Variants in ASH1L observed in about 807,000 individuals in gnomAD.
ASH1L encodes histone-lysine N-methyltransferase ASH1L.
ASH1L carries 23 observed loss-of-function variants against 269.0 expected under a neutral mutation model. That is an observed-to-expected ratio of 0.09 (90% confidence interval 0.06 to 0.12). The LOEUF (loss-of-function observed/expected upper bound fraction) is 0.12. Ranked by LOEUF, ASH1L falls within the 10% of genes least tolerant of loss-of-function variation. The pLI is 1.00. For synonymous variants in ASH1L, 1,187 were observed against 1,253.5 expected, an observed-to-expected ratio of 0.95 and a Z score of 1.12; for missense variants, 2,912 against 3,567.8, an observed-to-expected ratio of 0.82 and a Z score of 4.68.
At position 155,446,901 on chromosome 1, in the gene ASH1L, C is replaced by A. The variant is rs536004829; in HGVS notation, c.5087-7833G>T. Reference sequence around the variant, plus strand: ...TACAGGCGTGAGCCACCGCGCCCGGCGCTACATTTCAGTTTCTAATTGTTC... The same window carrying A: ...TACAGGCGTGAGCCACCGCGCCCGGAGCTACATTTCAGTTTCTAATTGTTC... On this transcript the variant is annotated intron_variant, in intron 4 of 27. Transcript: ENST00000392403. Among the ~76,000 whole-genome samples, 6 of 152,164 alleles carry A rather than the reference C, an allele frequency of 3.9e-5. No homozygotes were observed. The East Asian group carries it at 7.7e-4, about 20-fold the overall frequency.
Position 155,478,945 on chromosome 1 carries a change from G to A in ASH1L, c.3925C>T (p.His1309Tyr). The change falls in exon 3 of 28, where the codon CAT becomes TAT. Residue 1309 changes from histidine to tyrosine, a missense_variant. Coordinates refer to ENST00000392403, the MANE Select transcript of ASH1L (RefSeq NM_018489.3). The surrounding 1 kb of genome is among the most constrained non-coding windows in gnomAD (Gnocchi z 4.6). ...GGCAGAAGATCTCGGGGGATAAAAT[G>A]ATGACTTCGATGAGTGATCCGAATT... ...SEIRITHRSHHFIPRDLLPTI... is the reference protein window; with the variant it reads ...SEIRITHRSHYFIPRDLLPTI... The A allele has an allele frequency of 1.2e-6, 2 of 1,613,800 alleles. No homozygotes were observed. The highest frequency in any genetic ancestry group is 2.2e-5 in the South Asian group (2 of 91,054).
At chr1:155,378,168 T>C in intron 10 of ASH1L, 113 bp downstream of exon 10, 1 of 743,016 alleles carries the variant, frequency 1.3e-6, no homozygotes, top group Non-Finnish European at 2.3e-6. Context: ...TTATATATCT[T>C]TGTGCAACTT....
At chr1:155,364,803 A>G (rs563858702) in intron 12 of ASH1L, among the ~76,000 whole-genome samples, 2 of 151,268 alleles carry the variant, frequency 1.3e-5, no homozygotes, top group South Asian at 4.2e-4. Flanking sequence ...TTAACCAGGC[A>G]TGGTGGTGTG....
intron 5 of ASH1L, among the ~76,000 whole-genome samples, chr1:155,419,965 G>A (rs542689845): frequency 2.0e-5 from 3 of 152,242 alleles, no homozygotes; most frequent in Non-Finnish European, 4.4e-5. Context: ...AAATTCAACT[G>A]TATTTGTATG....
rs567049508 is a variant in ASH1L, at chr1:155,415,112, G to A, written c.6008+632C>T. On this transcript the variant is annotated intron_variant, in intron 6 of 27. Transcript: ENST00000392403. ...GAAAAGCATCATTAGGGCCAGGCAC[G>A]GTGGTTCACGCCTGTAATCCCAGCA... is the stretch of plus-strand genomic sequence containing the variant. Among the ~76,000 whole-genome samples the A allele has an allele frequency of 9.3e-4, 142 of 152,068 alleles. 1 individual carries two copies. The highest frequency in any genetic ancestry group is 3.3e-3 in the African/African-American group (136 of 41,504).
intron 1 of ASH1L, among the ~76,000 whole-genome samples, chr1:155,548,454 T>C (rs187112356): frequency 1.1e-4 from 16 of 151,946 alleles, no homozygotes; most frequent in Middle Eastern, 3.4e-3. Flanking sequence ...ACCTGGGAGG[T>C]GGGGGTTGCA....
intron 4 of ASH1L, among the ~76,000 whole-genome samples, chr1:155,442,273 C>T (rs1161868818): frequency 1.3e-5 from 2 of 151,788 alleles, no homozygotes; most frequent in Non-Finnish European, 2.9e-5. Context: ...CTTTAGACAG[C>T]AGCCTGAGTG....
intron 1 of ASH1L, among the ~76,000 whole-genome samples, chr1:155,546,516 T>C (rs1424510634): frequency 6.6e-6 from 1 of 152,040 alleles, no homozygotes; most frequent in Non-Finnish European, 1.5e-5. Flanking sequence ...ATCCCAGCAC[T>C]TTGGGAGGCC....
At chr1:155,506,710 A>G (rs1210387866) in intron 2 of ASH1L, among the ~76,000 whole-genome samples, 3 of 152,162 alleles carry the variant, frequency 2.0e-5, no homozygotes, top group African/African-American at 7.2e-5. Context: ...AAAAAAAGAA[A>G]AAGAAACATT....
intron 12 of ASH1L, among the ~76,000 whole-genome samples, chr1:155,362,978 T>TTTTA (rs775941621): frequency 1.3e-5 from 2 of 152,104 alleles, no homozygotes; most frequent in South Asian, 2.1e-4. Context: ...ATTTAAAAAT[T>TTTTA]TTTATTTATT....
intron 4 of ASH1L, among the ~76,000 whole-genome samples, chr1:155,457,692 A>G (rs541857986): frequency 6.6e-6 from 1 of 152,314 alleles, no homozygotes; most frequent in African/African-American, 2.4e-5. Flanking sequence ...CAGTAACTCA[A>G]TCTTACTCGT....
At chr1:155,495,047 A>G (rs1667058125) in intron 2 of ASH1L, among the ~76,000 whole-genome samples, 2 of 152,186 alleles carry the variant, frequency 1.3e-5, no homozygotes, top group Admixed American at 6.6e-5. Flanking sequence ...GAGAACATAC[A>G]TTTGTTTGTT....
intron 17 of ASH1L, 137 bp from the exon 18 acceptor site, chr1:155,349,733 T>C (rs1653706285): frequency 2.6e-6 from 2 of 777,290 alleles, no homozygotes; most frequent in Admixed American, 6.0e-5. Flanking sequence ...TTTTTTTTTT[T>C]TGAGACAGAG....
At chr1:155,514,987 G>T (rs1193215543) in intron 2 of ASH1L, among the ~76,000 whole-genome samples, 1 of 152,140 alleles carries the variant, frequency 6.6e-6, no homozygotes, top group Non-Finnish European at 1.5e-5. Flanking sequence ...GTTGGACCCA[G>T]AAGAAGCTCC....
chr1:155,431,846 C>G (rs551165511), intron 5 of ASH1L, among the ~76,000 whole-genome samples: 1 of 152,168 alleles, frequency 6.6e-6, no homozygotes, highest in East Asian at 1.9e-4. Context: ...AACTCCTGGC[C>G]TCAAGTGATC....
Position 155,457,850 on chromosome 1 carries a change from C to G in ASH1L, c.5086+1947G>C, listed in dbSNP as rs552020009. Among the ~76,000 whole-genome samples, 5 of 152,268 alleles carry G rather than the reference C, an allele frequency of 3.3e-5. No homozygotes were observed. The East Asian group carries it at 9.6e-4, about 29-fold the overall frequency. ...AGTAAAATATTTTGGTGATTTTCAA[C>G]ATTGATATGTCCCTTATCAAAATCT... is the stretch of plus-strand genomic sequence containing the variant. On this transcript the variant is annotated intron_variant, in intron 4 of 27. Transcript: ENST00000392403.
At chr1:155,425,337 G>A (rs1661057045) in intron 5 of ASH1L, among the ~76,000 whole-genome samples, 1 of 150,420 alleles carries the variant, frequency 6.6e-6, no homozygotes, top group Admixed American at 6.7e-5. Context: ...GAGTGCAGTG[G>A]CGCGATCTCG....
At chr1:155,378,634 T>G (rs1656671812) in intron 8 of ASH1L, 86 bp from the exon 9 acceptor site, 1 of 1,060,190 alleles carries the variant, frequency 9.4e-7, no homozygotes, top group African/African-American at 1.6e-5. Context: ...ACAGGAAATT[T>G]TCTATGTGCT....
chr1:155,513,086 T>A (rs953434933), intron 2 of ASH1L, among the ~76,000 whole-genome samples: 3 of 151,894 alleles, frequency 2.0e-5, no homozygotes, highest in Non-Finnish European at 1.5e-5. Flanking sequence ...AGATATATAA[T>A]AATAAATTAT....
Sources: allele counts gnomAD v4.1 joint callset (sites outside exome capture counted in the v4.1 genomes callset), GRCh38; gene constraint gnomAD v4.1.1; non-coding constraint Gnocchi (gnomAD v3.1); transcripts MANE v1.5; gene names NCBI Gene and HGNC (gene_info 2026-07-23, HGNC 2026-07-21).